The following CAPN13 variants were observed in gnomAD, a reference collection of about 807,000 sequenced individuals.
CAPN13 encodes the protein calpain 13, also known as calpain-13.
A neutral mutation model predicts 98.4 loss-of-function variants in CAPN13; 90 were observed. The ratio of observed to expected loss-of-function variants is 0.92; its 90% CI spans 0.77 to 1.09. The LOEUF is 1.09. Ranked by LOEUF, CAPN13 falls within the 50% of genes least tolerant of loss-of-function variation. CAPN13 has a pLI of 0.00. For synonymous variants in CAPN13, 330 were observed against 305.5 expected, an observed-to-expected ratio of 1.08 and a Z score of -0.84; for missense variants, 887 against 841.3, an observed-to-expected ratio of 1.05 and a Z score of -0.67.
Position 30,782,582 on chromosome 2 carries a change from T to A in CAPN13, c.198+4546A>T, listed in dbSNP as rs573998816. Among the ~76,000 whole-genome samples, 30 of 152,306 alleles carry A rather than the reference T, an allele frequency of 2.0e-4. 1 individual carries two copies. The South Asian group carries it at 6.2e-3, about 32-fold the overall frequency. On this transcript the variant is annotated intron_variant, in intron 2 of 22. Coordinates refer to ENST00000295055, the MANE Select transcript of CAPN13 (RefSeq NM_144575.3). ...AAGGTGAGTCGTTTCTAGTGAATGATCCTTTCAGAAACTGCTCTGGCTGTG... is the reference window on the plus strand; with the variant it reads ...AAGGTGAGTCGTTTCTAGTGAATGAACCTTTCAGAAACTGCTCTGGCTGTG...
rs140650919 is a variant in CAPN13, at chr2:30,764,945, G to C, written c.525-639C>G. Among the ~76,000 whole-genome samples, 1,000 of 152,218 alleles carry C rather than the reference G, an allele frequency of 6.6e-3. 9 individuals carry two copies. The highest frequency in any genetic ancestry group is 0.011 in the Non-Finnish European group (758 of 68,016). On this transcript the variant is annotated intron_variant, in intron 5 of 22. Coordinates refer to ENST00000295055, the MANE Select transcript of CAPN13 (RefSeq NM_144575.3). ...TTACCCACTCGCCCCCAGATCATTA[G>C]GGAGATCACTGGCTTAACTGAAGGT...
Position 30,755,652 on chromosome 2 carries a change from C to G in CAPN13, c.867-1288G>C, listed in dbSNP as rs532529681. 1.4e-4 allele frequency among the ~76,000 whole-genome samples: 22 copies of G among 152,210 alleles called. No individual in the cohort carries two copies. In the South Asian group the frequency reaches 3.7e-3, roughly 26 times the overall value. Reference sequence around the variant, plus strand: ...AATGGGTTTCAGAGGCACAAAAGCTCAATGAGACCTTTCTCCTGGATGAGC... The same window carrying G: ...AATGGGTTTCAGAGGCACAAAAGCTGAATGAGACCTTTCTCCTGGATGAGC... On this transcript the variant is annotated intron_variant, in intron 8 of 22. Coordinates refer to ENST00000295055, the MANE Select transcript of CAPN13 (RefSeq NM_144575.3).
intron 2 of CAPN13, among the ~76,000 whole-genome samples, chr2:30,778,758 C>T (rs570347355): frequency 3.3e-5 from 5 of 152,238 alleles, no homozygotes; most frequent in Admixed American, 1.3e-4. Context: ...AAACTCCTCC[C>T]GCTGCTTTCT....
In CAPN13 at chr2:30,801,643, A is replaced by AAG. The variant is rs1558353493; in HGVS notation, c.-33+5658_-33+5659insCT. ...AAAAAAAAAAGAAGAAGAAGAAGAAAAAGAAAATGGAAAAATGGATGAGGC... is the reference window on the plus strand; with the variant it reads ...AAAAAAAAAAGAAGAAGAAGAAGAAAAGAAGAAAATGGAAAAATGGATGAGGC... On this transcript the variant is annotated intron_variant, in intron 1 of 22. Transcript: ENST00000295055. Among the ~76,000 whole-genome samples, 128 of 141,318 alleles carry AAG rather than the reference A, an allele frequency of 9.1e-4. 2 individuals are homozygous for AAG. Among genetic ancestry groups the AAG allele is most frequent in the African/African-American group, 1.8e-3 (60 of 33,926 alleles). The allele number at this position is 141,318 out of a possible 152,430, so 92.7% of individuals were successfully genotyped here. A position where few individuals can be genotyped will look rare whatever the true frequency, so the allele number is the denominator to read the frequency against.
rs1348414403 is a variant in CAPN13, at chr2:30,731,414, G to T, written c.1928-15C>A. On this transcript the variant is annotated splice_polypyrimidine_tract_variant and intron_variant, in intron 20 of 22. Transcript: ENST00000295055. ...GCGGAAGGTCTCTAGGATAAAGAAG[G>T]GAAGGTTTTGACTGACTGAGGAGGA... The T allele has an allele frequency of 2.5e-6, 4 of 1,604,828 alleles. No individual in the cohort carries two copies. The highest frequency in any genetic ancestry group is 3.4e-6 in the Non-Finnish European group (4 of 1,175,534).
At chr2:30,765,734 T>A (rs1320118531) in intron 5 of CAPN13, among the ~76,000 whole-genome samples, 1 of 152,232 alleles carries the variant, frequency 6.6e-6, no homozygotes, top group East Asian at 1.9e-4. Flanking sequence ...GCAGTCACTA[T>A]CAGCAGGACT....
At chr2:30,739,476 G>A (rs1351834707) in intron 15 of CAPN13, among the ~76,000 whole-genome samples, 1 of 152,082 alleles carries the variant, frequency 6.6e-6, no homozygotes, top group African/African-American at 2.4e-5. Context: ...GACCCCTCAG[G>A]ATGCCCCTGA....
intron 22 of CAPN13, among the ~76,000 whole-genome samples, chr2:30,726,523 T>G (rs572968435): frequency 6.6e-6 from 1 of 152,278 alleles, no homozygotes; most frequent in South Asian, 2.1e-4. Flanking sequence ...ATAAACAAGT[T>G]TAGCAAGGTT....
rs1323603123 is a variant in CAPN13, at chr2:30,751,087, A to G, written c.1236+16T>C. ...TAAATTTCTACAAGGGAAAGCCCTG[A>G]AGCAGGCTGCCTTACCAGAATCACT... On this transcript the variant is annotated intron_variant, in intron 11 of 22. Transcript: ENST00000295055. 1.2e-6 allele frequency: 2 copies of G among 1,612,542 alleles called. No homozygotes were observed. Among genetic ancestry groups the G allele is most frequent in the Non-Finnish European group, 1.7e-6 (2 of 1,179,322 alleles).
At chr2:30,778,301 A>G (rs1568403) in intron 2 of CAPN13, among the ~76,000 whole-genome samples, 96,060 of 151,958 alleles carry the variant, frequency 0.63, 31,010 homozygotes, top group South Asian at 0.78. Flanking sequence ...GGAGGATTCC[A>G]CCAGTGCTGC....
At chr2:30,789,307 T>C (rs1307104679) in intron 1 of CAPN13, among the ~76,000 whole-genome samples, 1 of 152,216 alleles carries the variant, frequency 6.6e-6, no homozygotes, top group Non-Finnish European at 1.5e-5. Context: ...GTGGAACCAG[T>C]ATAGCATTGC....
intron 2 of CAPN13, 135 bp downstream of exon 2, chr2:30,786,993 A>T: frequency 1.5e-6 from 1 of 683,308 alleles, no homozygotes; most frequent in Non-Finnish European, 2.5e-6. Flanking sequence ...TAGCTACAAC[A>T]CTGTAGCAGA....
intron 14 of CAPN13, 139 bp from the exon 15 acceptor site, chr2:30,742,103 T>C (rs2147968944): frequency 1.0e-6 from 1 of 968,406 alleles, no homozygotes. Context: ...TTCTGGGGAA[T>C]GAGAAAACTG....
At chr2:30,781,810 A>T (rs1334671420) in intron 2 of CAPN13, among the ~76,000 whole-genome samples, 1 of 152,160 alleles carries the variant, frequency 6.6e-6, no homozygotes, top group Admixed American at 6.5e-5. Context: ...TATCAATAGG[A>T]TATCTATTAG....
intron 15 of CAPN13, chr2:30,741,580 G>C: frequency 9.2e-7 from 1 of 1,088,978 alleles, no homozygotes; most frequent in Non-Finnish European, 1.1e-6. Context: ...GGCCGAGTAG[G>C]AGAAGGAAAG....
At chr2:30,730,524 C>G (rs1671031178) in intron 22 of CAPN13, among the ~76,000 whole-genome samples, 1 of 152,186 alleles carries the variant, frequency 6.6e-6, no homozygotes, top group Non-Finnish European at 1.5e-5. Context: ...CCATAAAGGT[C>G]CATTGGTCTA....
intron 19 of CAPN13, among the ~76,000 whole-genome samples, 177 bp from the exon 20 acceptor site, chr2:30,732,743 A>T (rs1437062685): frequency 6.6e-6 from 1 of 152,114 alleles, no homozygotes; most frequent in African/African-American, 2.4e-5. Context: ...CCAGGAACCT[A>T]GTTCTGGAGT....
At chr2:30,749,045 G>T (rs149047153) in intron 11 of CAPN13, among the ~76,000 whole-genome samples, 13 of 152,074 alleles carry the variant, frequency 8.5e-5, no homozygotes, top group African/African-American at 3.1e-4. Flanking sequence ...TCACCTCCAA[G>T]GTGCACCTTG....
At chr2:30,785,992 C>T (rs940885856) in intron 2 of CAPN13, among the ~76,000 whole-genome samples, 1 of 151,754 alleles carries the variant, frequency 6.6e-6, no homozygotes, top group South Asian at 2.1e-4. Context: ...CCTAACCCTT[C>T]CCTTCACCAA....
Sources: gnomAD v4.1 joint callset for allele counts (sites outside exome capture counted in the v4.1 genomes callset) on GRCh38, gnomAD v4.1.1 for gene constraint, MANE v1.5 for transcripts, NCBI Gene and HGNC (gene_info 2026-07-23, HGNC 2026-07-21) for gene names.